The following APP variants were observed in gnomAD, a reference collection of about 807,000 sequenced individuals.
The protein encoded by APP is amyloid beta precursor protein, also known as amyloid-beta precursor protein.
Under a neutral mutation model 101.4 loss-of-function variants are expected in APP, and 31 were observed. The ratio of observed to expected loss-of-function variants is 0.31; its 90% CI spans 0.23 to 0.41. APP has a LOEUF of 0.41. APP is among the 10% of genes least tolerant of loss of function. APP has a pLI of 1.00. For missense variants in APP, 839 were observed against 1,003.7 expected (o/e 0.84, Z 2.22); for synonymous variants, 366 against 364.4 (o/e 1.00, Z -0.05).
chr21:25,971,574 G>A (rs2042034803), intron 11 of APP, among the ~76,000 whole-genome samples: 1 of 152,206 alleles, frequency 6.6e-6, no homozygotes, highest in Non-Finnish European at 1.5e-5. Flanking sequence ...TTGGTGAGGA[G>A]AGAGTTGCTC....
rs10617724 is a variant in APP at position 26,139,879 on chromosome 21, A to AAAAC, written c.58-27737_58-27734dup. ...TGGCAACAGAGCGAGACTCCGTCTC[A>AAAAC]AAACAAACAAACAAACAAACAAACA... On this transcript the variant is annotated intron_variant, in intron 1 of 17. Coordinates refer to ENST00000346798, the MANE Select transcript of APP (RefSeq NM_000484.4). Among the ~76,000 whole-genome samples, 565 of 150,288 alleles carry AAAAC rather than the reference A, an allele frequency of 3.8e-3. 1 individual carries two copies. Among genetic ancestry groups the AAAAC allele is most frequent in the African/African-American group, 7.3e-3 (299 of 40,768 alleles).
rs1014107301 is a variant in APP at position 25,974,991 on chromosome 21, T to G, written c.1458+79A>C. 7 of 1,584,720 alleles carry G rather than the reference T, an allele frequency of 4.4e-6. No individual in the cohort carries two copies. In the African/African-American group the frequency reaches 9.4e-5, roughly 21 times the overall value. ...GGCATTTCTCCTCATTCTTTTTGTATGGCTTCCAGTTCCCAGTGCCCCACC... is the reference window on the plus strand; with the variant it reads ...GGCATTTCTCCTCATTCTTTTTGTAGGGCTTCCAGTTCCCAGTGCCCCACC... On this transcript the variant is annotated intron_variant, in intron 11 of 17. Transcript: ENST00000346798.
chr21:26,161,597 T>C (rs2063492321), intron 1 of APP, among the ~76,000 whole-genome samples: 1 of 152,228 alleles, frequency 6.6e-6, no homozygotes, highest in Non-Finnish European at 1.5e-5. Context: ...TTGGCTTTAA[T>C]TTTAAATTGC....
intron 11 of APP, among the ~76,000 whole-genome samples, chr21:25,969,655 C>CA (rs1160370949): frequency 6.6e-6 from 1 of 151,572 alleles, no homozygotes; most frequent in African/African-American, 2.4e-5. Context: ...GCCTGGGTAA[C>CA]ACAGCGAGAC....
At chr21:25,899,286 T>C (rs1431175979) in intron 15 of APP, among the ~76,000 whole-genome samples, 1 of 152,198 alleles carries the variant, frequency 6.6e-6, no homozygotes, top group Non-Finnish European at 1.5e-5. Context: ...TGGACTTGGG[T>C]AGCAAGATGT....
chr21:25,966,353 C>T (rs927880329), intron 11 of APP, among the ~76,000 whole-genome samples: 1 of 152,118 alleles, frequency 6.6e-6, no homozygotes, highest in African/African-American at 2.4e-5. Context: ...CCTTTGCTCA[C>T]CAATGTATAC....
At chr21:26,091,784 T>C (rs2061831854) in intron 2 of APP, among the ~76,000 whole-genome samples, 1 of 151,398 alleles carries the variant, frequency 6.6e-6, no homozygotes, top group African/African-American at 2.4e-5. Context: ...AAAGAGGAAA[T>C]GAAGAGGAAA....
chr21:26,119,497 T>C (rs2062513132), intron 1 of APP, among the ~76,000 whole-genome samples: 1 of 152,210 alleles, frequency 6.6e-6, no homozygotes, highest in Non-Finnish European at 1.5e-5. Context: ...TGCAGCCAAC[T>C]GAATCTGCAA....
intron 1 of APP, among the ~76,000 whole-genome samples, chr21:26,163,179 T>C (rs2063530223): frequency 1.5e-5 from 2 of 134,542 alleles, no homozygotes; most frequent in Non-Finnish European, 3.0e-5. Context: ...AGGCAGAGGT[T>C]GCAGTAAGCC....
At chr21:25,921,164 T>C (rs984772946) in intron 13 of APP, among the ~76,000 whole-genome samples, 1 of 130,496 alleles carries the variant, frequency 7.7e-6, no homozygotes, top group African/African-American at 3.1e-5. Flanking sequence ...GAAATAAAGA[T>C]GTTCTTTGAA....
At chr21:26,035,547 G>A (rs559346277) in intron 5 of APP, among the ~76,000 whole-genome samples, 2 of 152,286 alleles carry the variant, frequency 1.3e-5, no homozygotes, top group East Asian at 3.9e-4. Context: ...TTTGTTAGTT[G>A]TTACCCGTTA....
chr21:26,111,839 A>G, intron 2 of APP, 140 bp downstream of exon 2: 1 of 846,198 alleles, frequency 1.2e-6, no homozygotes, highest in Non-Finnish European at 2.0e-6. Flanking sequence ...AAATAAATAT[A>G]TTAATGGTAT....
intron 1 of APP, among the ~76,000 whole-genome samples, chr21:26,126,717 C>T (rs1163772441): frequency 6.6e-6 from 1 of 152,060 alleles, no homozygotes; most frequent in African/African-American, 2.4e-5. Flanking sequence ...CTCCCCCACC[C>T]AACATAAACA....
chr21:26,089,873 G>A (rs2061785137), intron 3 of APP, 70 bp downstream of exon 3: 1 of 1,607,576 alleles, frequency 6.2e-7, no homozygotes, highest in East Asian at 2.2e-5. Flanking sequence ...GACCTAACAG[G>A]AGCATCCTCT....
At position 26,170,600 on chromosome 21, in the gene APP, C is replaced by G; in HGVS notation, c.21G>C (p.Leu7=). 1 of 1,538,464 alleles carries G rather than the reference C, an allele frequency of 6.5e-7. No individual in the cohort carries two copies. Among genetic ancestry groups the G allele is most frequent in the South Asian group, 1.2e-5 (1 of 83,830 alleles). The change falls in exon 1 of 18, where the codon CTG becomes CTC. Residue 7 remains leucine, a synonymous_variant. Coordinates refer to ENST00000346798, the MANE Select transcript of APP (RefSeq NM_000484.4). ...GAGCCGTCCAGGCGGCCAGCAGGAG[C>G]AGTGCCAAACCGGGCAGCATCGCGA... The part of the protein sequence containing the change: MLPGLA[L]LLLAAWTARA...
chr21:25,896,093 A>G (rs1255104535), intron 16 of APP, among the ~76,000 whole-genome samples: 2 of 151,826 alleles, frequency 1.3e-5, no homozygotes, highest in Non-Finnish European at 2.9e-5. Context: ...CAACTCTTCA[A>G]CTCTTTAGTG....
intron 8 of APP, among the ~76,000 whole-genome samples, chr21:25,995,999 C>A (rs1380392708): frequency 6.6e-6 from 1 of 151,344 alleles, no homozygotes; most frequent in African/African-American, 2.4e-5. Flanking sequence ...ATCTAAGTTA[C>A]AACTGAAATT....
chr21:25,963,534 G>A (rs1404385229), intron 11 of APP, among the ~76,000 whole-genome samples: 1 of 152,090 alleles, frequency 6.6e-6, no homozygotes, highest in African/African-American at 2.4e-5. Context: ...ACCCTCTCCT[G>A]GAGCATTAAA....
chr21:26,077,473 G>A (rs1489498125), intron 3 of APP, among the ~76,000 whole-genome samples: 7 of 151,982 alleles, frequency 4.6e-5, no homozygotes, highest in Non-Finnish European at 7.4e-5. Flanking sequence ...GCTTTTCTTT[G>A]TCTACAGTTA....
Sources: gnomAD v4.1 joint callset for allele counts (sites outside exome capture counted in the v4.1 genomes callset) on GRCh38, gnomAD v4.1.1 for gene constraint, MANE v1.5 for transcripts, NCBI Gene and HGNC (gene_info 2026-07-23, HGNC 2026-07-21) for gene names.